Variants in INPP5D observed in about 807,000 individuals in gnomAD.
INPP5D encodes phosphatidylinositol 3,4,5-trisphosphate 5-phosphatase 1.
A neutral mutation model predicts 122.9 loss-of-function variants in INPP5D; 33 were observed. The observed-to-expected ratio is 0.27, with a 90% CI of 0.20 to 0.36. The LOEUF is 0.36. Among genes scored for constraint, INPP5D ranks in the 10% least tolerant of loss-of-function variants. The pLI is 1.00. For synonymous variants in INPP5D, 584 were observed against 576.2 expected (o/e 1.01, Z -0.19); for missense variants, 1,053 against 1,412.7 (o/e 0.75, Z 4.08).
chr2:233,131,815 C>A (rs974219555), intron 5 of INPP5D, among the ~76,000 whole-genome samples: 20 of 152,270 alleles, frequency 1.3e-4, no homozygotes, highest in Middle Eastern at 3.4e-3. Flanking sequence ...CACATACAGC[C>A]GTTTCAAGAT....
intron 2 of INPP5D, among the ~76,000 whole-genome samples, chr2:233,094,158 A>T (rs1007103432): frequency 1.4e-4 from 21 of 152,018 alleles, no homozygotes; most frequent in African/African-American, 5.1e-4. Flanking sequence ...TGAAATCTTA[A>T]TATTTTGGAT....
At chr2:233,063,921 G>C (rs977679866) in intron 1 of INPP5D, among the ~76,000 whole-genome samples, 1 of 152,288 alleles carries the variant, frequency 6.6e-6, no homozygotes, top group Non-Finnish European at 1.5e-5. Context: ...GTGGGTGGGA[G>C]ACATTAAGAG....
At chr2:233,161,373 T>C (rs930465010) in intron 10 of INPP5D, among the ~76,000 whole-genome samples, 1 of 152,198 alleles carries the variant, frequency 6.6e-6, no homozygotes, top group Admixed American at 6.5e-5. Flanking sequence ...ATTACAGGCA[T>C]GAGCCACCAC....
chr2:233,146,124 A>G (rs1487737144), intron 6 of INPP5D, 38 bp from the exon 7 acceptor site: 3 of 704,114 alleles, frequency 4.3e-6, no homozygotes, highest in South Asian at 3.0e-5. Context: ...GTTCAGGTTC[A>G]GTGATGCTGC....
chr2:233,066,152 C>A (rs889389634), intron 1 of INPP5D, among the ~76,000 whole-genome samples: 1 of 152,088 alleles, frequency 6.6e-6, no homozygotes, highest in Non-Finnish European at 1.5e-5. Context: ...CAGGGTTTTG[C>A]TATGTTGCCC....
chr2:233,075,276 C>G (rs1691489674), intron 1 of INPP5D, among the ~76,000 whole-genome samples: 2 of 152,202 alleles, frequency 1.3e-5, no homozygotes, highest in Non-Finnish European at 2.9e-5. Context: ...TAATCCTGAT[C>G]TGATTACTCT....
chr2:233,098,699 C>T lies in INPP5D; in HGVS notation c.198+19301C>T, dbSNP rs146203233. Among the ~76,000 whole-genome samples, 1,502 of 152,232 alleles carry T rather than the reference C, an allele frequency of 9.9e-3. 9 individuals carry two copies. The highest frequency in any genetic ancestry group is 0.017 in the Non-Finnish European group (1,133 of 68,016). On this transcript the variant is annotated intron_variant, in intron 2 of 26. Transcript: ENST00000445964. The stretch of plus-strand genomic sequence containing the variant: ...TCTTAACCCCAGGCCATCCCAGATC[C>T]ACCTCCCATGACACACTCAACCTGG...
At chr2:233,090,846 A>G (rs988144775) in intron 2 of INPP5D, among the ~76,000 whole-genome samples, 1 of 152,020 alleles carries the variant, frequency 6.6e-6, no homozygotes, top group African/African-American at 2.4e-5. Flanking sequence ...AATCCCAGCT[A>G]CCCAGGAGGC....
intron 3 of INPP5D, 103 bp downstream of exon 3, chr2:233,122,360 T>C (rs1343741937): frequency 5.5e-6 from 7 of 1,265,132 alleles, no homozygotes; most frequent in Non-Finnish European, 5.4e-6. Flanking sequence ...CAGAGGGAGA[T>C]TGTTGGCGTG....
intron 19 of INPP5D, among the ~76,000 whole-genome samples, chr2:233,182,766 G>A (rs189735256): frequency 6.6e-6 from 1 of 151,990 alleles, no homozygotes; most frequent in South Asian, 2.1e-4. Flanking sequence ...CCAAGGTGTG[G>A]CCTGAAGACA....
chr2:233,142,472 G>T (rs910493944), intron 6 of INPP5D, among the ~76,000 whole-genome samples: 2 of 152,130 alleles, frequency 1.3e-5, no homozygotes, highest in Non-Finnish European at 2.9e-5. Flanking sequence ...AACTGGGTGC[G>T]TGAGACGTCT....
At chr2:233,176,145 G>T (rs1268270329) in intron 17 of INPP5D, among the ~76,000 whole-genome samples, 3 of 152,166 alleles carry the variant, frequency 2.0e-5, no homozygotes, top group African/African-American at 7.2e-5. Context: ...ATAAAAGAGG[G>T]TTGTTATTGC....
chr2:233,060,551 G>A lies in INPP5D; in HGVS notation c.73G>A (p.Asp25Asn). The change falls in exon 1 of 27, where the codon GAC becomes AAC. Residue 25 changes from aspartate to asparagine, a missense_variant. Physicochemically the swap from Asp to Asn is conservative, Grantham distance 23. Around this residue, in one of 6 missense-constraint regions of INPP5D, gnomAD observed 74 missense variants for 146.6 expected, o/e 0.50. Transcript: ENST00000445964. ...GGAGCTGCTTTCCAGGACAGGCAAG[G>A]ACGGGAGCTTCCTCGTGCGTGCCAG... Reference protein sequence around the residue: ...AEELLSRTGKDGSFLVRASES... With the variant: ...AEELLSRTGKNGSFLVRASES... The A allele has an allele frequency of 6.2e-7, 1 of 1,614,012 alleles. No homozygotes were observed. The highest frequency in any genetic ancestry group is 1.3e-5 in the African/African-American group (1 of 75,074).
At position 233,189,609 on chromosome 2, in the gene INPP5D, G is replaced by C. The variant is rs1695000204; in HGVS notation, c.2359-241G>C. 1.3e-5 allele frequency among the ~76,000 whole-genome samples: 2 copies of C among 152,158 alleles called. No homozygotes were observed. Among genetic ancestry groups the C allele is most frequent in the Non-Finnish European group, 2.9e-5 (2 of 68,012 alleles). On this transcript the variant is annotated intron_variant, in intron 21 of 26. Transcript: ENST00000445964. The surrounding 1 kb of genome is among the most constrained non-coding windows in gnomAD (Gnocchi z 5.6). ...TTGCTGGGACCTGGGAGCCAGCTCA[G>C]TTTAGGAGGCCTGGGGTGCAGCGTG...
In INPP5D at chr2:233,147,386, C is replaced by T. The variant is rs1693792880; in HGVS notation, c.907-85C>T. ...GGACGCACACCAGAGGTTGCCCAGC[C>T]ATGTAGACAAGGGGTTCGGGCGGGG... On this transcript the variant is annotated intron_variant, in intron 8 of 26. Coordinates refer to ENST00000445964, the MANE Select transcript of INPP5D (RefSeq NM_001017915.3). 9 of 682,474 alleles carry T rather than the reference C, an allele frequency of 1.3e-5. 1 individual carries two copies. In the South Asian group the frequency reaches 1.4e-4, roughly 10 times the overall value. 42.3% of individuals were successfully genotyped at this position (682,474 alleles called of 1,614,324 possible).
At chr2:233,163,492 C>T (rs551048249) in intron 11 of INPP5D, among the ~76,000 whole-genome samples, 10 of 152,242 alleles carry the variant, frequency 6.6e-5, no homozygotes, top group African/African-American at 2.2e-4. Context: ...CTTGACATTA[C>T]GTTTAAAAAG....
intron 18 of INPP5D, among the ~76,000 whole-genome samples, chr2:233,179,315 T>A (rs1349982865): frequency 6.6e-6 from 1 of 152,230 alleles, no homozygotes; most frequent in African/African-American, 2.4e-5. Flanking sequence ...GTCAACCCTG[T>A]CAATACTGTC....
chr2:233,198,044 C>A (rs1237260674), intron 24 of INPP5D, 51 bp from the exon 25 acceptor site: 2 of 1,491,376 alleles, frequency 1.3e-6, no homozygotes, highest in East Asian at 2.4e-5. Flanking sequence ...CTGGTGCTGA[C>A]CCCGAGAAGG....
At position 233,183,146 on chromosome 2, in the gene INPP5D, G is replaced by C. The variant is rs1179187855; in HGVS notation, c.2161+647G>C. 6.6e-6 allele frequency among the ~76,000 whole-genome samples: 1 copy of C among 152,168 alleles called. No individual in the cohort carries two copies. The highest frequency in any genetic ancestry group is 2.4e-5 in the African/African-American group (1 of 41,442). On this transcript the variant is annotated intron_variant, in intron 19 of 26. Coordinates refer to ENST00000445964, the MANE Select transcript of INPP5D (RefSeq NM_001017915.3). The surrounding 1 kb of genome is among the most constrained non-coding windows in gnomAD (Gnocchi z 4.6). The stretch of plus-strand genomic sequence containing the variant: ...TGGTTGCCAGGCCACCCTCATCCCA[G>C]CTGGGCCAGGTGTTCTCTGTAATGT...
Sources: gnomAD v4.1 joint callset for allele counts (sites outside exome capture counted in the v4.1 genomes callset) on GRCh38, gnomAD v4.1.1 for gene constraint, gnomAD v4.1.1 regional missense constraint, Gnocchi (gnomAD v3.1) non-coding constraint, MANE v1.5 for transcripts, NCBI Gene and HGNC (gene_info 2026-07-23, HGNC 2026-07-21) for gene names.